The following LCA5 variants were observed in gnomAD, a reference collection of about 807,000 sequenced individuals.
LCA5 encodes lebercilin LCA5, also known as lebercilin.
Under a neutral mutation model 53.0 loss-of-function variants are expected in LCA5, and 37 were observed. The observed-to-expected ratio is 0.70, with a 90% CI of 0.54 to 0.92. The LOEUF (loss-of-function observed/expected upper bound fraction) is 0.92, where lower values mean the gene tolerates loss of function less well. Ranked by LOEUF, LCA5 falls within the 40% of genes least tolerant of loss-of-function variation. The pLI is 0.00. For missense variants in LCA5, 806 were observed against 790.5 expected (o/e 1.02, Z -0.23); for synonymous variants, 303 against 282.9 (o/e 1.07, Z -0.71).
In LCA5 at chr6:79,513,643, T is replaced by C. The variant is rs1387796294; in HGVS notation, c.289A>G (p.Thr97Ala). Residue 97 changes from threonine (T) to alanine (A), a missense_variant, in exon 3 of 8, where the codon ACT (threonine) becomes GCT (alanine). Coordinates refer to ENST00000369846, the MANE Select transcript of LCA5 (RefSeq NM_001122769.3). Reference sequence around the variant, plus strand: ...AGAATCCGTTTTGTAACAAGATCAGTATCTTTCCGAAGTGGCTCTCTATTG... The same window carrying C: ...AGAATCCGTTTTGTAACAAGATCAGCATCTTTCCGAAGTGGCTCTCTATTG... The part of the protein sequence containing the change: ...SLNREPLRKD[T>A]DLVTKRILSA... The C allele has an allele frequency of 1.9e-6, 3 of 1,613,904 alleles. No individual in the cohort carries two copies. Among genetic ancestry groups the C allele is most frequent in the Non-Finnish European group, 2.5e-6 (3 of 1,179,840 alleles).
At chr6:79,538,423 C>T, upstream of LCA5, among the ~76,000 whole-genome samples, 2 of 152,288 alleles carry the variant, frequency 1.3e-5, no homozygotes, top group East Asian at 3.9e-4. Context: ...CATTTTACTT[C>T]AAGTTACAGA....
Position 79,491,627 on chromosome 6 carries a change from A to G in LCA5, c.1059T>C (p.Cys353=). Residue 353 remains cysteine, a synonymous_variant, in exon 6 of 8, where the codon TGT becomes TGC. Transcript: ENST00000369846. ...EYPLTPETIM[C]YENKWEEPGH... is the part of the protein sequence containing the mutation. ...CTGGTTCTTCCCATTTGTTTTCGTA[A>G]CACATAATTGTTTCTGGAGTTAAAG... 6.2e-7 allele frequency: 1 copy of G among 1,613,210 alleles called. No homozygotes were observed. The highest frequency in any genetic ancestry group is 8.5e-7 in the Non-Finnish European group (1 of 1,179,314).
rs1342120418 is a variant in LCA5 at position 79,493,710 on chromosome 6, T to C, written c.761A>G (p.Gln254Arg). Reference protein sequence around the residue: ...KNLELSTNSFQRQLLAERKRA... With the variant: ...KNLELSTNSFRRQLLAERKRA... ...TTTCCTTTCAGCAAGCAACTGTCGTTGGAAACTGTTAGTACTCAGTTCAAG... is the reference window on the plus strand; with the variant it reads ...TTTCCTTTCAGCAAGCAACTGTCGTCGGAAACTGTTAGTACTCAGTTCAAG... Residue 254 changes from glutamine (Q) to arginine (R), a missense_variant, in exon 4 of 8, where the codon CAA becomes CGA. By Grantham distance (43) the Gln-to-Arg change is conservative. Coordinates refer to ENST00000369846, the MANE Select transcript of LCA5 (RefSeq NM_001122769.3). 3.7e-6 allele frequency: 6 copies of C among 1,613,568 alleles called. No homozygotes were observed. Among genetic ancestry groups the C allele is most frequent in the Non-Finnish European group, 5.1e-6 (6 of 1,179,740 alleles).
intron 3 of LCA5, among the ~76,000 whole-genome samples, chr6:79,498,332 C>A: frequency 6.6e-6 from 1 of 152,124 alleles, no homozygotes; most frequent in South Asian, 2.1e-4. Context: ...ATTTGCAATT[C>A]TCTGTAAGCT....
intron 2 of LCA5, among the ~76,000 whole-genome samples, chr6:79,515,645 A>C (rs1766408698): frequency 6.6e-6 from 1 of 152,092 alleles, no homozygotes; most frequent in Admixed American, 6.6e-5. Flanking sequence ...CCAGAGTAAA[A>C]AAATGAAGAA....
intron 1 of LCA5, among the ~76,000 whole-genome samples, chr6:79,527,542 G>A (rs951469145): frequency 1.3e-5 from 2 of 152,254 alleles, no homozygotes; most frequent in South Asian, 2.1e-4. Flanking sequence ...CCCTGAACCA[G>A]ATACAGATTA....
chr6:79,536,747 T>C (rs1244670947), intron 1 of LCA5, among the ~76,000 whole-genome samples: 1 of 152,184 alleles, frequency 6.6e-6, no homozygotes, highest in Admixed American at 6.5e-5. Flanking sequence ...CCCTTGGCCC[T>C]GCCCCTCCTC....
chr6:79,518,586 C>T lies in LCA5; in HGVS notation c.190+119G>A, dbSNP rs888866473. 8.8e-6 allele frequency: 8 copies of T among 907,476 alleles called. No homozygotes were observed. The South Asian group carries it at 9.5e-5, about 11-fold the overall frequency. The allele number at this position is 907,476 out of a possible 1,614,324, so 56.2% of individuals were successfully genotyped here. A position where few individuals can be genotyped will look rare whatever the true frequency, so the allele number is the denominator to read the frequency against. On this transcript the variant is annotated intron_variant, in intron 2 of 7. Transcript: ENST00000369846. ...ATATAACCTATAAAACGTAAATCAGCCCACTTCCATGTATACAACAACATA... is the reference window on the plus strand; with the variant it reads ...ATATAACCTATAAAACGTAAATCAGTCCACTTCCATGTATACAACAACATA...
At chr6:79,499,841 C>CT (rs1770084854) in intron 3 of LCA5, among the ~76,000 whole-genome samples, 1 of 151,332 alleles carries the variant, frequency 6.6e-6, no homozygotes, top group South Asian at 2.1e-4. Context: ...GCTATCCCTC[C>CT]CCCACTCCCC....
chr6:79,512,552 G>A (rs527966925), intron 3 of LCA5, among the ~76,000 whole-genome samples: 41 of 152,086 alleles, frequency 2.7e-4, no homozygotes, highest in African/African-American at 8.4e-4. Flanking sequence ...ATACTTTTTC[G>A]TACCTTTGCT....
Position 79,493,667 on chromosome 6 carries a change from A to G in LCA5, c.804T>C (p.His268=), listed in dbSNP as rs1769902141. The G allele has an allele frequency of 6.2e-7, 1 of 1,613,604 alleles. No homozygotes were observed. The highest frequency in any genetic ancestry group is 1.3e-5 in the African/African-American group (1 of 75,036). The part of the protein sequence containing the change: ...LAERKRAYEA[H]DENKVLQKEV... ...CCTTTTGAAGAACTTTATTTTCATC[A>G]TGAGCCTCATATGCCCTTTTCCTTT... Residue 268 remains histidine (H), a synonymous_variant, in exon 4 of 8, where the codon CAT becomes CAC. Coordinates refer to ENST00000369846, the MANE Select transcript of LCA5 (RefSeq NM_001122769.3).
At chr6:79,516,173 CT>C (rs1766431814) in intron 2 of LCA5, among the ~76,000 whole-genome samples, 1 of 150,958 alleles carries the variant, frequency 6.6e-6, no homozygotes, top group South Asian at 2.1e-4. Flanking sequence ...ACATATGTGG[CT>C]TCATTTGTGA....
At chr6:79,524,704 TTATC>T (rs1341606383) in intron 1 of LCA5, among the ~76,000 whole-genome samples, 1 of 152,052 alleles carries the variant, frequency 6.6e-6, no homozygotes, top group Non-Finnish European at 1.5e-5. Flanking sequence ...CCTTTATAGG[TTATC>T]TTTTTCCTTT....
rs538488076 is a variant in LCA5, at chr6:79,518,610, T to C, written c.190+95A>G. Reference sequence around the variant, plus strand: ...GCCCACTTCCATGTATACAACAACATATATACTAATAAAAGAGTATCATGC... The same window carrying C: ...GCCCACTTCCATGTATACAACAACACATATACTAATAAAAGAGTATCATGC... On this transcript the variant is annotated intron_variant, in intron 2 of 7. Coordinates refer to ENST00000369846, the MANE Select transcript of LCA5 (RefSeq NM_001122769.3). 4.4e-6 allele frequency: 5 copies of C among 1,124,282 alleles called. No homozygotes were observed. In the East Asian group the frequency reaches 1.2e-4, roughly 26 times the overall value. 69.6% of individuals were successfully genotyped at this position (1,124,282 alleles called of 1,614,324 possible).
intron 3 of LCA5, among the ~76,000 whole-genome samples, chr6:79,505,648 C>T (rs1163577974): frequency 6.6e-6 from 1 of 151,978 alleles, no homozygotes; most frequent in Non-Finnish European, 1.5e-5. Context: ...CAGGGCTAAC[C>T]CAGTTTGACC....
At chr6:79,515,705 T>C (rs892782023) in intron 2 of LCA5, among the ~76,000 whole-genome samples, 3 of 152,122 alleles carry the variant, frequency 2.0e-5, no homozygotes, top group Non-Finnish European at 4.4e-5. Flanking sequence ...CCATGGATAC[T>C]TGATTCCATT....
intron 2 of LCA5, among the ~76,000 whole-genome samples, chr6:79,515,908 G>A (rs1766423168): frequency 6.6e-6 from 1 of 152,000 alleles, no homozygotes; most frequent in Non-Finnish European, 1.5e-5. Flanking sequence ...TTGCAACTTT[G>A]AAACTATGCT....
intron 3 of LCA5, among the ~76,000 whole-genome samples, chr6:79,499,535 C>G (rs1228173888): frequency 2.0e-5 from 3 of 151,742 alleles, no homozygotes; most frequent in East Asian, 3.9e-4. Context: ...TTTAAATATT[C>G]TTTTTCTGTA....
At chr6:79,506,547 C>T (rs1251549949) in intron 3 of LCA5, among the ~76,000 whole-genome samples, 1 of 152,144 alleles carries the variant, frequency 6.6e-6, no homozygotes, top group African/African-American at 2.4e-5. Context: ...CCTTTACTTT[C>T]ACCCCCTATT....
Sources: allele counts gnomAD v4.1 joint callset (sites outside exome capture counted in the v4.1 genomes callset), GRCh38; gene constraint gnomAD v4.1.1; transcripts MANE v1.5; gene names NCBI Gene and HGNC (gene_info 2026-07-23, HGNC 2026-07-21).